Variants in FAM178B observed in about 807,000 individuals in gnomAD.
The protein encoded by FAM178B is family with sequence similarity 178 member B.
FAM178B carries 82 observed loss-of-function variants against 91.7 expected under a neutral mutation model. The ratio of observed to expected loss-of-function variants is 0.89; its 90% confidence interval spans 0.75 to 1.07. The LOEUF (loss-of-function observed/expected upper bound fraction) is 1.07, where lower values mean the gene tolerates loss of function less well. FAM178B is among the 50% of genes least tolerant of loss of function. The pLI is 0.00. For missense variants in FAM178B, 769 were observed against 846.7 expected, an observed-to-expected ratio of 0.91 and a Z score of 1.14; for synonymous variants, 368 against 359.4, an observed-to-expected ratio of 1.02 and a Z score of -0.27.
chr2:96,984,175 T>G (rs1281294678), intron 1 of FAM178B, among the ~76,000 whole-genome samples: 1 of 152,120 alleles, frequency 6.6e-6, no homozygotes, highest in Non-Finnish European at 1.5e-5. Flanking sequence ...TTGGCCAGGC[T>G]GGTCTCGATC....
Position 96,986,529 on chromosome 2 carries a change from G to T in FAM178B, c.-216C>A, listed in dbSNP as rs1037105459. 5.1e-6 allele frequency: 3 copies of T among 586,856 alleles called. No individual in the cohort carries two copies. The highest frequency in any genetic ancestry group is 2.1e-5 in the South Asian group (1 of 47,746). 36.4% of individuals were successfully genotyped at this position (586,856 alleles called of 1,614,324 possible). On this transcript the variant is annotated 5_prime_UTR_variant, in exon 1 of 17. Transcript: ENST00000490605. ...TTGAGTTCCGACTCCAAACCAAGCG[G>T]CCAGCTCACAGCCGCCGCCGCCGCC...
At chr2:96,965,625 T>A (rs933428220) in intron 5 of FAM178B, among the ~76,000 whole-genome samples, 1 of 152,092 alleles carries the variant, frequency 6.6e-6, no homozygotes, top group African/African-American at 2.4e-5. Context: ...AACACATCTG[T>A]GTACTTTTTA....
At chr2:96,983,979 AT>A (rs571010609) in intron 1 of FAM178B, among the ~76,000 whole-genome samples, 1 of 151,434 alleles carries the variant, frequency 6.6e-6, no homozygotes, top group Admixed American at 6.6e-5. Context: ...TCTGCTATGA[AT>A]TTTTTTTTCC....
chr2:96,900,392 G>T (rs1443732929), intron 13 of FAM178B, among the ~76,000 whole-genome samples: 1 of 152,174 alleles, frequency 6.6e-6, no homozygotes, highest in African/African-American at 2.4e-5. Context: ...CCACCTGGGT[G>T]CCTGTCCCTT....
At chr2:96,955,346 T>TA (rs981347886) in intron 6 of FAM178B, among the ~76,000 whole-genome samples, 1 of 151,976 alleles carries the variant, frequency 6.6e-6, no homozygotes, top group Non-Finnish European at 1.5e-5. Context: ...CCGTCTCTAC[T>TA]AAAAAATACA....
intron 14 of FAM178B, among the ~76,000 whole-genome samples, chr2:96,880,922 A>G (rs578157663): frequency 4.6e-5 from 7 of 152,244 alleles, no homozygotes; most frequent in African/African-American, 1.7e-4. Context: ...GATACTGCCA[A>G]CGGTAATTGG....
intron 6 of FAM178B, 69 bp downstream of exon 6, chr2:96,960,219 C>G: frequency 1.3e-6 from 2 of 1,516,880 alleles, no homozygotes; most frequent in Non-Finnish European, 8.9e-7. Context: ...GGCCCTTATC[C>G]CTGGACTCCA....
In FAM178B at chr2:96,965,319, G is replaced by A. The variant is rs77767163; in HGVS notation, c.734+2201C>T. Among the ~76,000 whole-genome samples the A allele has an allele frequency of 1.9e-4, 29 of 152,066 alleles. No individual in the cohort carries two copies. The East Asian group carries it at 3.7e-3, about 19-fold the overall frequency. On this transcript the variant is annotated intron_variant, in intron 5 of 16. Transcript: ENST00000490605. ...CCACCATGCTCTGCCCTGGTTTTGT[G>A]GCTTTAAATGTCATACGTACACAGT... is the stretch of plus-strand genomic sequence containing the variant.
intron 13 of FAM178B, among the ~76,000 whole-genome samples, chr2:96,899,851 C>CTTTTT (rs78433909): frequency 8.8e-6 from 1 of 113,514 alleles, no homozygotes; most frequent in Non-Finnish European, 1.7e-5. Context: ...ATTCCCCACT[C>CTTTTT]TTTTTTTTTT....
At chr2:96,918,967 G>A (rs1352256938) in intron 12 of FAM178B, among the ~76,000 whole-genome samples, 3 of 152,138 alleles carry the variant, frequency 2.0e-5, no homozygotes, top group South Asian at 2.1e-4. Flanking sequence ...AATCGATCAC[G>A]ACCCTCTCAC....
At chr2:96,895,866 G>A (rs1294725453) in intron 13 of FAM178B, among the ~76,000 whole-genome samples, 1 of 152,202 alleles carries the variant, frequency 6.6e-6, no homozygotes, top group Non-Finnish European at 1.5e-5. Context: ...TATGGGCTGA[G>A]ACAGCCCACA....
At chr2:96,948,662 C>T (rs2081871178) in intron 7 of FAM178B, among the ~76,000 whole-genome samples, 1 of 152,228 alleles carries the variant, frequency 6.6e-6, no homozygotes, top group Admixed American at 6.5e-5. Context: ...CTTGTGGGCA[C>T]TGTGGGCACA....
rs184216626 is a variant in FAM178B, at chr2:96,914,178, C to G, written c.1562+6987G>C. Among the ~76,000 whole-genome samples, 3 of 152,348 alleles carry G rather than the reference C, an allele frequency of 2.0e-5. No individual in the cohort carries two copies. The East Asian group carries it at 5.8e-4, about 29-fold the overall frequency. ...CATGGGGAGGGCTGGTCATAGTTCA[C>G]TTCTGGTCCTGGTAGTCCGTGGAGA... On this transcript the variant is annotated intron_variant, in intron 12 of 16. Coordinates refer to ENST00000490605, the MANE Select transcript of FAM178B (RefSeq NM_001122646.3).
intron 5 of FAM178B, among the ~76,000 whole-genome samples, chr2:96,962,028 A>C (rs1017418868): frequency 6.6e-6 from 1 of 152,170 alleles, no homozygotes; most frequent in African/African-American, 2.4e-5. Flanking sequence ...AATTATTAAA[A>C]GCCTAGGCCA....
chr2:96,935,875 A>T (rs1047197601), intron 8 of FAM178B, among the ~76,000 whole-genome samples: 5 of 151,600 alleles, frequency 3.3e-5, no homozygotes, highest in African/African-American at 9.8e-5. Flanking sequence ...ACCTCAGGTG[A>T]TCCACGTGCC....
intron 12 of FAM178B, among the ~76,000 whole-genome samples, chr2:96,905,816 G>GTATATATATATATATATATA (rs1434487897): frequency 8.2e-5 from 3 of 36,754 alleles, no homozygotes; most frequent in African/African-American, 3.8e-4. Context: ...ACATATATGT[G>GTATATATATATATATATATA]TGTATATATA....
intron 12 of FAM178B, among the ~76,000 whole-genome samples, chr2:96,920,768 A>T (rs1174325148): frequency 1.3e-5 from 2 of 151,242 alleles, no homozygotes; most frequent in African/African-American, 4.9e-5. Flanking sequence ...AATTTCTGGC[A>T]TGGGTAAATG....
intron 1 of FAM178B, among the ~76,000 whole-genome samples, chr2:96,974,225 A>G (rs1007817677): frequency 6.6e-6 from 1 of 151,322 alleles, no homozygotes; most frequent in African/African-American, 2.4e-5. Flanking sequence ...CACTAAAAAT[A>G]CAAAAAATTA....
intron 7 of FAM178B, among the ~76,000 whole-genome samples, chr2:96,948,839 C>T (rs887264100): frequency 6.6e-6 from 1 of 152,166 alleles, no homozygotes; most frequent in Non-Finnish European, 1.5e-5. Flanking sequence ...AGGCTGGAGA[C>T]CTCGCCTCAA....
Sources: gnomAD v4.1 joint callset for allele counts (sites outside exome capture counted in the v4.1 genomes callset) on GRCh38, gnomAD v4.1.1 for gene constraint, MANE v1.5 for transcripts, NCBI Gene and HGNC (gene_info 2026-07-23, HGNC 2026-07-21) for gene names.